SEC16A: variants seen among roughly 807,000 people sequenced by gnomAD.
SEC16A encodes protein transport protein Sec16A.
In SEC16A, 110 loss-of-function variants were observed where a neutral mutation model predicts 221.9. The ratio of observed to expected loss-of-function variants is 0.50; its 90% CI spans 0.42 to 0.58. The LOEUF (loss-of-function observed/expected upper bound fraction) is 0.58, where lower values mean the gene tolerates loss of function less well. Ranked by LOEUF, SEC16A falls within the 20% of genes least tolerant of loss-of-function variation. The pLI is 0.00. For synonymous variants in SEC16A, 1,393 were observed against 1,257.7 expected (o/e 1.11, Z -2.28); for missense variants, 3,165 against 3,097.8 (o/e 1.02, Z -0.52).
chr9:136,443,759 G>A, intron 31 of SEC16A, 64 bp downstream of exon 31: 1 of 1,168,270 alleles, frequency 8.6e-7, no homozygotes, highest in Non-Finnish European at 1.3e-6. Flanking sequence ...CCATCACTGA[G>A]CAGCAGGGTC....
At chr9:136,484,683 G>A (rs766008092), upstream of SEC16A, 4 of 1,366,432 alleles carry the variant, frequency 2.9e-6, no homozygotes, top group East Asian at 1.8e-4. Context: ...ACGCCAGCAG[G>A]GCCGCAGGCG....
intron 3 of SEC16A, among the ~76,000 whole-genome samples, chr9:136,473,105 G>A (rs1671721764): frequency 6.6e-6 from 1 of 152,228 alleles, no homozygotes; most frequent in Admixed American, 6.5e-5. Flanking sequence ...TGATGCTCGA[G>A]GCCCATGGGG....
At position 136,476,574 on chromosome 9, in the gene SEC16A, G is replaced by A. The variant is rs752808800; in HGVS notation, c.1042C>T (p.His348Tyr). The change falls in exon 3 of 32, where the codon CAC becomes TAC. Residue 348 changes from histidine to tyrosine, a missense_variant. Transcript: ENST00000684901. ...CCGGCCCCAGCCCCCAGTGGGTGGTGCGTACGGTTTTCTGGGCTATCTCCC... is the reference window on the plus strand; with the variant it reads ...CCGGCCCCAGCCCCCAGTGGGTGGTACGTACGGTTTTCTGGGCTATCTCCC... ...ARGDSPENRTHHPLGAGAGSG... is the reference protein window; with the variant it reads ...ARGDSPENRTYHPLGAGAGSG... 2.5e-6 allele frequency: 4 copies of A among 1,608,556 alleles called. No individual in the cohort carries two copies. The highest frequency in any genetic ancestry group is 3.3e-5 in the Admixed American group (2 of 59,756).
intron 8 of SEC16A, 131 bp from the exon 9 acceptor site, chr9:136,464,693 C>T (rs889218687): frequency 1.8e-5 from 14 of 796,770 alleles, no homozygotes; most frequent in Non-Finnish European, 2.4e-5. Context: ...ACTCAAAAGT[C>T]GGTAATTGTT....
Position 136,446,918 on chromosome 9 carries a change from A to T in SEC16A, c.6729T>A (p.Thr2243=), listed in dbSNP as rs770490170. ...TAGCTGCTGCAGGCCCTTCCCTGCCAGTCCCGTCTGGAAGCTGTGGTTCTT... is the reference window on the plus strand; with the variant it reads ...TAGCTGCTGCAGGCCCTTCCCTGCCTGTCCCGTCTGGAAGCTGTGGTTCTT... The part of the protein sequence containing the change: ...DAEEPQLPDG[T]GREGPAAARG... The change falls in exon 28 of 32, where the codon ACT becomes ACA. Residue 2243 remains threonine, a synonymous_variant. Coordinates refer to ENST00000684901, the MANE Select transcript of SEC16A (RefSeq NM_014866.2). The T allele has an allele frequency of 6.2e-7, 1 of 1,613,688 alleles. No individual in the cohort carries two copies. The highest frequency in any genetic ancestry group is 8.5e-7 in the Non-Finnish European group (1 of 1,179,830).
At chr9:136,479,455 C>T (rs138310619) in intron 1 of SEC16A, among the ~76,000 whole-genome samples, 1,577 of 152,146 alleles carry the variant, frequency 0.01, 21 homozygotes, top group African/African-American at 0.035. Flanking sequence ...CAGGTTCATG[C>T]CATTCTCCTG....
chr9:136,445,492 T>G (rs1408802913), intron 29 of SEC16A, among the ~76,000 whole-genome samples, 153 bp downstream of exon 29: 3 of 152,166 alleles, frequency 2.0e-5, no homozygotes, highest in Non-Finnish European at 4.4e-5. Context: ...AGTGCAATTT[T>G]TTTTCCCCCA....
intron 23 of SEC16A, among the ~76,000 whole-genome samples, chr9:136,450,979 G>A (rs1276887797): frequency 1.3e-5 from 2 of 152,184 alleles, no homozygotes; most frequent in East Asian, 3.9e-4. Context: ...AGCGGCTGCC[G>A]TCTGGTCCCT....
chr9:136,484,687 G>A (rs759287711), upstream of SEC16A: 3 of 1,366,314 alleles, frequency 2.2e-6, no homozygotes, highest in South Asian at 2.3e-5. Flanking sequence ...CAGCAGGGCC[G>A]CAGGCGGTGC....
At chr9:136,467,459 A>G (rs564440744) in intron 5 of SEC16A, among the ~76,000 whole-genome samples, 2 of 152,250 alleles carry the variant, frequency 1.3e-5, no homozygotes, top group East Asian at 3.9e-4. Context: ...CCCACACCTC[A>G]GCCTCCCTAA....
At chr9:136,462,395 C>G (rs1839605430) in intron 12 of SEC16A, among the ~76,000 whole-genome samples, 1 of 152,204 alleles carries the variant, frequency 6.6e-6, no homozygotes. Context: ...CTGCCCCAGT[C>G]CCCACGCTGC....
chr9:136,463,663 T>A lies in SEC16A; in HGVS notation c.4508+16A>T. Reference sequence around the variant, plus strand: ...AAGGCCGGGCTCACAAAGAAATGCCTCAACAAGGAACATACTTGGCCAGGG... The same window carrying A: ...AAGGCCGGGCTCACAAAGAAATGCCACAACAAGGAACATACTTGGCCAGGG... On this transcript the variant is annotated intron_variant, in intron 10 of 31. Transcript: ENST00000684901. The A allele has an allele frequency of 6.2e-7, 1 of 1,613,522 alleles. No homozygotes were observed.
intron 12 of SEC16A, among the ~76,000 whole-genome samples, chr9:136,462,506 C>T (rs1485659640): frequency 2.6e-5 from 4 of 152,246 alleles, no homozygotes; most frequent in African/African-American, 9.6e-5. Context: ...CCTCCCAACT[C>T]CCAATGACTT....
intron 31 of SEC16A, among the ~76,000 whole-genome samples, chr9:136,443,465 G>A (rs1836491411): frequency 1.3e-5 from 2 of 152,208 alleles, no homozygotes; most frequent in Non-Finnish European, 2.9e-5. Flanking sequence ...TGGGAAGATC[G>A]CTTGAGCCTA....
chr9:136,475,528 G>C lies in SEC16A; in HGVS notation c.2088C>G (p.Pro696=), dbSNP rs761348134. 1.4e-5 allele frequency: 22 copies of C among 1,613,116 alleles called. No individual in the cohort carries two copies. Among genetic ancestry groups the C allele is most frequent in the Non-Finnish European group, 1.6e-5 (19 of 1,179,584 alleles). The change falls in exon 3 of 32, where the codon CCC becomes CCG. Residue 696 remains proline (P), a synonymous_variant. Transcript: ENST00000684901. The surrounding 1 kb of genome is among the most constrained non-coding windows in gnomAD (Gnocchi z 5.0). ...CGGGTGCTGGATACACAGTATCCAA[G>C]GGCGGTGCCCCTGCGTGCGGAAGCA... ...VHMLPHAGAP[P]LDTVYPAPEK... is the part of the protein sequence containing the mutation.
intron 21 of SEC16A, 51 bp downstream of exon 21, chr9:136,454,058 A>C: frequency 6.8e-7 from 1 of 1,468,734 alleles, no homozygotes; most frequent in Non-Finnish European, 9.3e-7. Flanking sequence ...CCCCACAAAC[A>C]CCACACCCCA....
intron 12 of SEC16A, among the ~76,000 whole-genome samples, chr9:136,461,490 T>C (rs149810844): frequency 6.6e-6 from 1 of 152,218 alleles, no homozygotes; most frequent in African/African-American, 2.4e-5. Context: ...TTGTAGATAT[T>C]TGCTGCTTTT....
rs1472048838 is a variant in SEC16A, at chr9:136,456,085, C to T, written c.5632G>A (p.Val1878Ile). The T allele has an allele frequency of 6.2e-7, 1 of 1,613,008 alleles. No homozygotes were observed. Among genetic ancestry groups the T allele is most frequent in the Non-Finnish European group, 8.5e-7 (1 of 1,179,614 alleles). Reference sequence around the variant, plus strand: ...TGCCGCTCCACCTGCTGCAGGTGAACCAGCCACGTGGGTGCGGCCAAGGAC... The same window carrying T: ...TGCCGCTCCACCTGCTGCAGGTGAATCAGCCACGTGGGTGCGGCCAAGGAC... The part of the protein sequence containing the change: ...EESLAAPTWL[V>I]HLQQVERQIK... Residue 1878 changes from valine to isoleucine, a missense_variant, in exon 19 of 32, where the codon GTT becomes ATT. Around this residue, in one of 3 missense-constraint regions of SEC16A, gnomAD observed 1,088 missense variants for 1,089.6 expected, o/e 1.00. Coordinates refer to ENST00000684901, the MANE Select transcript of SEC16A (RefSeq NM_014866.2).
rs539934047 is a variant in SEC16A, at chr9:136,474,303, G to A, written c.3313C>T (p.Leu1105=). 6.2e-7 allele frequency: 1 copy of A among 1,610,802 alleles called. No individual in the cohort carries two copies. The highest frequency in any genetic ancestry group is 1.7e-5 in the Admixed American group (1 of 59,478). ...GGCAGCTGCTGACCCGCGTCGACCA[G>A]AACCAGACTTGCTGGTGACTGTGCT... The part of the protein sequence containing the change: ...NSAQSPASLV[L]VDAGQQLPPR... Residue 1105 remains leucine (L), a synonymous_variant, in exon 3 of 32, where the codon CTG becomes TTG. Transcript: ENST00000684901.
Sources: gnomAD v4.1 joint callset for allele counts (sites outside exome capture counted in the v4.1 genomes callset) on GRCh38, gnomAD v4.1.1 for gene constraint, gnomAD v4.1.1 regional missense constraint, Gnocchi (gnomAD v3.1) non-coding constraint, MANE v1.5 for transcripts, NCBI Gene and HGNC (gene_info 2026-07-23, HGNC 2026-07-21) for gene names.